The following ALPK2 variants were observed in gnomAD, a reference collection of about 807,000 sequenced individuals.
ALPK2 encodes the protein alpha-protein kinase 2.
ALPK2 carries 127 observed loss-of-function variants against 163.1 expected under a neutral mutation model. The observed-to-expected ratio is 0.78, with a 90% CI of 0.67 to 0.90. ALPK2 has a LOEUF of 0.90. Ranked by LOEUF, ALPK2 falls within the 40% of genes least tolerant of loss-of-function variation. The pLI, the probability that ALPK2 is intolerant of heterozygous loss-of-function variation, is 0.00. For synonymous variants in ALPK2, 953 were observed against 959.1 expected (o/e 0.99, Z 0.12); for missense variants, 2,360 against 2,589.6 (o/e 0.91, Z 1.92).
At chr18:58,493,460 C>T (rs2051385350) in intron 12 of ALPK2, among the ~76,000 whole-genome samples, 1 of 152,128 alleles carries the variant, frequency 6.6e-6, no homozygotes, top group African/African-American at 2.4e-5. Context: ...GGTGGTGGCT[C>T]GGCCTTGTGA....
intron 3 of ALPK2, among the ~76,000 whole-genome samples, chr18:58,602,035 AC>A (rs1255607229): frequency 6.6e-6 from 1 of 152,066 alleles, no homozygotes; most frequent in Non-Finnish European, 1.5e-5. Context: ...TCCAGACATT[AC>A]CAAATGTCCC....
chr18:58,593,281 A>G (rs541499450), intron 3 of ALPK2, among the ~76,000 whole-genome samples: 13 of 152,308 alleles, frequency 8.5e-5, no homozygotes, highest in East Asian at 1.9e-4. Context: ...AAAGAAAAAA[A>G]GGGGCTGGGT....
chr18:58,558,004 C>G (rs1282454238), intron 4 of ALPK2, among the ~76,000 whole-genome samples: 1 of 152,110 alleles, frequency 6.6e-6, no homozygotes, highest in Non-Finnish European at 1.5e-5. Context: ...GCTGGACTAT[C>G]CAACCTGGGA....
Position 58,535,554 on chromosome 18 carries a change from G to T in ALPK2, c.4633C>A (p.Leu1545Ile), listed in dbSNP as rs1192118307. ...ISPTSPLSSC[L>I]PIMTHASLGV... is the part of the protein sequence containing the mutation. ...AGAGAAGCGTGAGTCATTATTGGAA[G>T]ACAACTAGAAAGAGGTGAAGTGGGG... The change falls in exon 5 of 13, where the codon CTT becomes ATT. Residue 1545 changes from leucine (L) to isoleucine (I), a missense_variant. Leu to Ile is a conservative substitution (Grantham distance 5, BLOSUM62 2). Transcript: ENST00000361673. The T allele has an allele frequency of 6.2e-7, 1 of 1,614,084 alleles. No homozygotes were observed.
intron 6 of ALPK2, among the ~76,000 whole-genome samples, chr18:58,524,283 G>A (rs1211540463): frequency 1.3e-5 from 2 of 152,202 alleles, no homozygotes; most frequent in Non-Finnish European, 2.9e-5. Flanking sequence ...ATAAGCAGTA[G>A]GTTTAACTGC....
At chr18:58,503,578 A>G (rs1195893705) in intron 11 of ALPK2, among the ~76,000 whole-genome samples, 1 of 152,210 alleles carries the variant, frequency 6.6e-6, no homozygotes. Flanking sequence ...ATGCATGTGC[A>G]GTCTCAGCTA....
chr18:58,494,059 G>C (rs1474281137), intron 12 of ALPK2, among the ~76,000 whole-genome samples: 1 of 152,122 alleles, frequency 6.6e-6, no homozygotes, highest in Non-Finnish European at 1.5e-5. Flanking sequence ...TTTGCAGTTC[G>C]GCTCCACTGC....
chr18:58,488,064 A>AC, intron 12 of ALPK2, among the ~76,000 whole-genome samples: 1 of 150,840 alleles, frequency 6.6e-6, no homozygotes, highest in East Asian at 2.0e-4. Flanking sequence ...TGGTCCAGGG[A>AC]CCCCCTCTCC....
At chr18:58,601,669 CA>C (rs1241891611) in intron 3 of ALPK2, among the ~76,000 whole-genome samples, 5 of 152,104 alleles carry the variant, frequency 3.3e-5, no homozygotes, top group Non-Finnish European at 7.4e-5. Context: ...TAGCCAACAG[CA>C]ATATCCACTG....
At chr18:58,561,306 C>T (rs188434027) in intron 4 of ALPK2, among the ~76,000 whole-genome samples, 3 of 152,200 alleles carry the variant, frequency 2.0e-5, no homozygotes, top group Non-Finnish European at 4.4e-5. Flanking sequence ...TGCGAGGATG[C>T]TGAAATATTG....
At chr18:58,484,752 T>TAATAATA (rs1555659656) in intron 12 of ALPK2, among the ~76,000 whole-genome samples, 1 of 149,696 alleles carries the variant, frequency 6.7e-6, no homozygotes, top group African/African-American at 2.5e-5. Context: ...CAAAAAATAA[T>TAATAATA]ATAATAATAA....
At chr18:58,600,130 G>A (rs1288386297) in intron 3 of ALPK2, among the ~76,000 whole-genome samples, 6 of 140,118 alleles carry the variant, frequency 4.3e-5, no homozygotes, top group Non-Finnish European at 9.1e-5. Flanking sequence ...TCCGCCTCCC[G>A]GGTTCAAGTG....
At chr18:58,581,152 C>T (rs887680473) in intron 3 of ALPK2, among the ~76,000 whole-genome samples, 1 of 151,846 alleles carries the variant, frequency 6.6e-6, no homozygotes, top group South Asian at 2.1e-4. Context: ...CCTTTTACAT[C>T]ATTTTTATGT....
intron 11 of ALPK2, among the ~76,000 whole-genome samples, chr18:58,503,378 A>G (rs1481149477): frequency 1.3e-5 from 2 of 152,216 alleles, no homozygotes; most frequent in Non-Finnish European, 2.9e-5. Context: ...ATGGGAAGGC[A>G]TTATTGGCAT....
intron 1 of ALPK2, among the ~76,000 whole-genome samples, chr18:58,612,959 A>ATCCTGAATCCAGGGATGCTGAGG (rs1374037141): frequency 3.3e-4 from 50 of 152,158 alleles, no homozygotes; most frequent in Non-Finnish European, 6.5e-4. Flanking sequence ...GGAACTGCAA[A>ATCCTGAATCCAGGGATGCTGAGG]TCCTGAATCC....
At chr18:58,624,523 C>T (rs1248901588) in intron 1 of ALPK2, among the ~76,000 whole-genome samples, 5 of 150,542 alleles carry the variant, frequency 3.3e-5, no homozygotes, top group Non-Finnish European at 5.9e-5. Flanking sequence ...GGCACGATTT[C>T]GGGTCACTGC....
intron 3 of ALPK2, among the ~76,000 whole-genome samples, chr18:58,605,720 G>A (rs749840541): frequency 2.0e-5 from 3 of 152,194 alleles, no homozygotes; most frequent in Non-Finnish European, 4.4e-5. Flanking sequence ...GGGAGACCTC[G>A]ACAAGGTTGG....
intron 4 of ALPK2, among the ~76,000 whole-genome samples, chr18:58,548,357 A>G (rs2051730858): frequency 6.7e-6 from 1 of 150,288 alleles, no homozygotes; most frequent in African/African-American, 2.4e-5. Flanking sequence ...ATGGAGTCTC[A>G]CTATGTTGTC....
intron 12 of ALPK2, among the ~76,000 whole-genome samples, chr18:58,485,976 A>C (rs574909064): frequency 6.6e-6 from 1 of 151,892 alleles, no homozygotes. Flanking sequence ...ACTAATTCAC[A>C]CTGTGACCTC....
Sources: allele counts gnomAD v4.1 joint callset (sites outside exome capture counted in the v4.1 genomes callset), GRCh38; gene constraint gnomAD v4.1.1; transcripts MANE v1.5; gene names NCBI Gene and HGNC (gene_info 2026-07-23, HGNC 2026-07-21).